Variants in UNC80 observed in about 807,000 individuals in gnomAD.
UNC80 encodes protein unc-80 homolog.
A neutral mutation model predicts 384.6 loss-of-function variants in UNC80; 164 were observed. The observed-to-expected ratio is 0.43, with a 90% CI of 0.38 to 0.49. The LOEUF (loss-of-function observed/expected upper bound fraction) is 0.49, where lower values mean the gene tolerates loss of function less well. Ranked by LOEUF, UNC80 falls within the 20% of genes least tolerant of loss-of-function variation. The probability of loss-of-function intolerance (pLI) is 0.00; values close to 1 mark genes in which losing one functional copy is unlikely to be tolerated. For synonymous variants in UNC80, 1,486 were observed against 1,527.8 expected (o/e 0.97, Z 0.64); for missense variants, 3,330 against 4,143.0 (o/e 0.80, Z 5.39).
intron 51 of UNC80, chr2:209,961,480 A>T (rs896644434): frequency 5.3e-5 from 8 of 152,346 alleles, no homozygotes; most frequent in African/African-American, 1.9e-4. Flanking sequence ...GATTTGAGGA[A>T]ACTCAGAAAA....
chr2:209,932,819 G>T (rs2090982786), intron 38 of UNC80, among the ~76,000 whole-genome samples: 1 of 152,152 alleles, frequency 6.6e-6, no homozygotes. Context: ...GTAGTTTTAA[G>T]AAATCATCTT....
chr2:209,952,633 A>G (rs935375352), intron 47 of UNC80, among the ~76,000 whole-genome samples: 5 of 152,186 alleles, frequency 3.3e-5, no homozygotes, highest in Admixed American at 2.0e-4. Context: ...AGTGCTGCAC[A>G]ATGGCTGGAT....
chr2:209,789,513 A>G lies in UNC80; in HGVS notation c.725-19A>G. On this transcript the variant is annotated intron_variant, in intron 5 of 64. Transcript: ENST00000673920. The stretch of plus-strand genomic sequence containing the variant: ...ACTTAAAACCTTACAAAACGATGGA[A>G]CTTCTTCCGTCTTTTCAGCTAAGAG... 1.3e-6 allele frequency: 2 copies of G among 1,589,182 alleles called. No individual in the cohort carries two copies. The highest frequency in any genetic ancestry group is 1.7e-6 in the Non-Finnish European group (2 of 1,162,208).
chr2:209,832,033 C>T (rs931624644), intron 16 of UNC80, among the ~76,000 whole-genome samples: 3 of 152,068 alleles, frequency 2.0e-5, no homozygotes, highest in Admixed American at 1.3e-4. Context: ...AATCTTTTAG[C>T]TACTTGTCTT....
rs1196630791 is a variant in UNC80 at position 209,995,709 on chromosome 2, A to G, written c.*114A>G. On this transcript the variant is annotated 3_prime_UTR_variant, in exon 65 of 65. Transcript: ENST00000673920. ...AATTACAAAATAGCACTTTACTTCTAATGGGTGGCACAAATCTGAATAGGT... is the reference window on the plus strand; with the variant it reads ...AATTACAAAATAGCACTTTACTTCTGATGGGTGGCACAAATCTGAATAGGT... The G allele has an allele frequency of 8.0e-7, 1 of 1,252,996 alleles. No individual in the cohort carries two copies. Among genetic ancestry groups the G allele is most frequent in the Non-Finnish European group, 1.1e-6 (1 of 916,844 alleles). 77.6% of individuals were successfully genotyped at this position (1,252,996 alleles called of 1,614,324 possible).
intron 48 of UNC80, among the ~76,000 whole-genome samples, chr2:209,954,970 C>G (rs539758554): frequency 5.3e-5 from 8 of 152,208 alleles, no homozygotes; most frequent in African/African-American, 1.7e-4. Context: ...AAGGGGCAGG[C>G]AGGGAGCCCT....
chr2:209,909,518 G>A (rs969739240), intron 29 of UNC80, among the ~76,000 whole-genome samples: 2 of 152,130 alleles, frequency 1.3e-5, no homozygotes, highest in Non-Finnish European at 2.9e-5. Flanking sequence ...TACTCATCTT[G>A]TACATAGACT....
intron 63 of UNC80, among the ~76,000 whole-genome samples, chr2:209,993,636 A>G (rs1461041126): frequency 1.3e-5 from 2 of 152,162 alleles, no homozygotes; most frequent in Non-Finnish European, 2.9e-5. Flanking sequence ...ACCTATAAAA[A>G]ATGGAAGAGC....
chr2:209,896,192 G>A, intron 27 of UNC80, 121 bp from the exon 28 acceptor site: 2 of 826,220 alleles, frequency 2.4e-6, no homozygotes, highest in Non-Finnish European at 2.0e-6. Context: ...GCTATGCCCT[G>A]TAACCCACTG....
At chr2:209,944,905 T>C in intron 45 of UNC80, 146 bp from the exon 46 acceptor site, 1 of 899,372 alleles carries the variant, frequency 1.1e-6, no homozygotes, top group Admixed American at 2.8e-5. Context: ...TACCACAGCA[T>C]TGCGGGATCC....
chr2:209,884,018 C>G (rs192771407), intron 25 of UNC80, among the ~76,000 whole-genome samples: 40 of 152,208 alleles, frequency 2.6e-4, no homozygotes, highest in African/African-American at 9.4e-4. Context: ...TGCTTCCCCC[C>G]CTCCCCCACA....
At chr2:209,957,315 C>G (rs4672561) in intron 48 of UNC80, among the ~76,000 whole-genome samples, 152,223 of 152,322 alleles carry the variant, frequency 1, 76,062 homozygotes, top group Non-Finnish European at 1. Context: ...TGAAGAATGA[C>G]CTCTTTACTC....
intron 28 of UNC80, among the ~76,000 whole-genome samples, chr2:209,896,792 A>G (rs529123938): frequency 6.6e-6 from 1 of 152,030 alleles, no homozygotes; most frequent in Non-Finnish European, 1.5e-5. Flanking sequence ...TTGGGTGTGT[A>G]TTAGATCAAA....
At chr2:209,844,734 C>T (rs1420326269) in intron 21 of UNC80, among the ~76,000 whole-genome samples, 1 of 151,516 alleles carries the variant, frequency 6.6e-6, no homozygotes, top group Non-Finnish European at 1.5e-5. Flanking sequence ...GGATTATGGA[C>T]ATGCACCACC....
At position 209,921,048 on chromosome 2, in the gene UNC80, G is replaced by C. The variant is rs564853201; in HGVS notation, c.5344-452G>C. ...TCACCATGTTGCTCAGGCTGGTCTC[G>C]AACTCCTCACCTCAAGTGATCCACC... On this transcript the variant is annotated intron_variant, in intron 33 of 64. Transcript: ENST00000673920. 2.0e-5 allele frequency among the ~76,000 whole-genome samples: 3 copies of C among 152,076 alleles called. No individual in the cohort carries two copies. The South Asian group carries it at 6.2e-4, about 32-fold the overall frequency.
intron 47 of UNC80, among the ~76,000 whole-genome samples, chr2:209,951,000 C>G (rs573661227): frequency 2.0e-5 from 3 of 152,042 alleles, no homozygotes; most frequent in African/African-American, 7.2e-5. Flanking sequence ...TGGCAAAACC[C>G]CGTCCCTACA....
rs906400730 is a variant in UNC80 at position 209,844,369 on chromosome 2, ATTCC to A, written c.3454+1939_3454+1942del. On this transcript the variant is annotated intron_variant, in intron 21 of 64. Coordinates refer to ENST00000673920, the MANE Select transcript of UNC80 (RefSeq NM_001371986.1). ...GGTGAATATTTCTTCTTTTTTCAAA[ATTCC>A]TTCCTTCCTTCCTTCTCTTCTCTCC... Among the ~76,000 whole-genome samples the A allele has an allele frequency of 7.3e-5, 11 of 151,542 alleles. No homozygotes were observed. The East Asian group carries it at 7.8e-4, about 11-fold the overall frequency.
chr2:209,912,443 G>A (rs1197776030), intron 29 of UNC80, 117 bp from the exon 30 acceptor site: 2 of 523,618 alleles, frequency 3.8e-6, no homozygotes, highest in African/African-American at 2.0e-5. Context: ...CCACAAAAAG[G>A]CCTTTAATTA....
chr2:209,941,614 A>G, intron 44 of UNC80, 125 bp downstream of exon 44: 4 of 1,138,988 alleles, frequency 3.5e-6, no homozygotes, highest in Non-Finnish European at 4.7e-6. Flanking sequence ...TGACAACAGA[A>G]GGCAACAAAT....
Sources: gnomAD v4.1 joint callset for allele counts (sites outside exome capture counted in the v4.1 genomes callset) on GRCh38, gnomAD v4.1.1 for gene constraint, MANE v1.5 for transcripts, NCBI Gene and HGNC (gene_info 2026-07-23, HGNC 2026-07-21) for gene names.